The following ZNF680 variants were observed in gnomAD, a reference collection of about 807,000 sequenced individuals.
The protein encoded by ZNF680 is zinc finger protein 680.
ZNF680 carries 6 observed loss-of-function variants against 12.1 expected under a neutral mutation model. The ratio of observed to expected loss-of-function variants is 0.49; its 90% CI spans 0.27 to 0.98. The LOEUF (loss-of-function observed/expected upper bound fraction) is 0.98. Ranked by LOEUF, ZNF680 falls within the 50% of genes least tolerant of loss-of-function variation. ZNF680 has a pLI of 0.12. For missense variants in ZNF680, 561 were observed against 616.3 expected (o/e 0.91, Z 0.95); for synonymous variants, 170 against 199.3 (o/e 0.85, Z 1.24).
chr7:64,534,683 G>A (rs962729465), intron 3 of ZNF680, among the ~76,000 whole-genome samples: 2 of 152,134 alleles, frequency 1.3e-5, no homozygotes, highest in African/African-American at 2.4e-5. Flanking sequence ...AGGAAAAGAA[G>A]TTACTATCTG....
rs780531809 is a variant in ZNF680 at position 64,522,246 on chromosome 7, T to C, written c.508A>G (p.Asn170Asp). ...VKVFHKFSNSNSHKKRNTGKK... is the reference protein window; with the variant it reads ...VKVFHKFSNSDSHKKRNTGKK... ...CCAGTATTTCTTTTCTTATGACTGT[T>C]TGAATTTGAAAATTTATGAAAGACT... Residue 170 changes from asparagine (N) to aspartate (D), a missense_variant, in exon 4 of 4, where the codon AAC becomes GAC. Coordinates refer to ENST00000309683, the MANE Select transcript of ZNF680 (RefSeq NM_178558.5). 2 of 1,612,830 alleles carry C rather than the reference T, an allele frequency of 1.2e-6. No individual in the cohort carries two copies. Among genetic ancestry groups the C allele is most frequent in the Non-Finnish European group, 1.7e-6 (2 of 1,179,302 alleles).
chr7:64,524,605 C>T (rs1370071161), intron 3 of ZNF680: 4 of 152,220 alleles, frequency 2.6e-5, no homozygotes, highest in African/African-American at 9.6e-5. Flanking sequence ...TAATGCTTCA[C>T]TTTCTGTAAT....
At chr7:64,499,153 C>G in the ZNF680 span, among the ~76,000 whole-genome samples, 1 of 151,950 alleles carries the variant, frequency 6.6e-6, no homozygotes, top group Admixed American at 6.6e-5. Flanking sequence ...ACCCACTAAA[C>G]TATAATAAAG....
At chr7:64,524,570 G>A (rs1791730000) in intron 3 of ZNF680, 1 of 152,046 alleles carries the variant, frequency 6.6e-6, no homozygotes, top group South Asian at 2.1e-4. Flanking sequence ...CACATACAGA[G>A]CAATATAATT....
chr7:64,544,439 AACACACACACACACACAC>A lies in ZNF680; in HGVS notation c.31-25_31-8del. On this transcript the variant is annotated splice_region_variant and splice_polypyrimidine_tract_variant and intron_variant, in intron 1 of 3. Transcript: ENST00000309683. The stretch of plus-strand genomic sequence containing the variant: ...CCCTAAATGTCAGTGGTCCCTGAAA[AACACACACACACACACAC>A]ACACACACACACACTTATATATTTA... The A allele has an allele frequency of 6.5e-7, 1 of 1,534,806 alleles. No individual in the cohort carries two copies. The highest frequency in any genetic ancestry group is 1.9e-5 in the Admixed American group (1 of 52,572).
chr7:64,560,201 C>G (rs1272348423), intron 1 of ZNF680, among the ~76,000 whole-genome samples: 1 of 151,530 alleles, frequency 6.6e-6, no homozygotes, highest in Non-Finnish European at 1.5e-5. Flanking sequence ...GCAACCTCCA[C>G]CCCCCGGGTT....
At chr7:64,534,871 T>C (rs949991442) in intron 3 of ZNF680, among the ~76,000 whole-genome samples, 1 of 152,062 alleles carries the variant, frequency 6.6e-6, no homozygotes, top group Non-Finnish European at 1.5e-5. Flanking sequence ...CTGGATGAGA[T>C]TGGAGACTAT....
At chr7:64,516,661 CTA>C (rs1791362319), downstream of ZNF680, among the ~76,000 whole-genome samples, 1 of 152,114 alleles carries the variant, frequency 6.6e-6, no homozygotes, top group Non-Finnish European at 1.5e-5. Context: ...AAACCACAAA[CTA>C]TGCATTTTAT....
the ZNF680 span, among the ~76,000 whole-genome samples, chr7:64,507,558 G>T: frequency 1.5e-3 from 228 of 151,450 alleles, no homozygotes; most frequent in Middle Eastern, 6.8e-3. Flanking sequence ...TGTCACCCAG[G>T]CTGGAGTGCA....
intron 3 of ZNF680, among the ~76,000 whole-genome samples, chr7:64,534,923 G>C (rs1786077687): frequency 6.9e-6 from 1 of 144,758 alleles, no homozygotes; most frequent in Non-Finnish European, 1.5e-5. Context: ...ACCAAACATT[G>C]TATGTTCTCA....
intron 3 of ZNF680, among the ~76,000 whole-genome samples, chr7:64,533,616 C>T (rs961164130): frequency 1.3e-5 from 2 of 152,026 alleles, no homozygotes; most frequent in Admixed American, 6.6e-5. Flanking sequence ...AAACTCAATA[C>T]AATCCCCATC....
At chr7:64,501,727 T>C in the ZNF680 span, 6 of 980,644 alleles carry the variant, frequency 6.1e-6, no homozygotes, top group Non-Finnish European at 9.8e-6. Flanking sequence ...AAATGACTCT[T>C]AAGCACATAG....
At chr7:64,552,797 T>A (rs1787154588) in intron 1 of ZNF680, among the ~76,000 whole-genome samples, 1 of 152,156 alleles carries the variant, frequency 6.6e-6, no homozygotes, top group African/African-American at 2.4e-5. Flanking sequence ...GTCGTGGCCT[T>A]ATATTTATAT....
In ZNF680 at chr7:64,543,422, T is replaced by C. The variant is rs1229774145; in HGVS notation, c.253+285A>G. Among the ~76,000 whole-genome samples the C allele has an allele frequency of 4.6e-5, 7 of 152,144 alleles. No individual in the cohort carries two copies. The South Asian group carries it at 6.2e-4, about 14-fold the overall frequency. ...AGATATTTGTGTGTCCCTAAAACAA[T>C]GGAACATCAGTCAGATTGTGCAGTC... On this transcript the variant is annotated intron_variant, in intron 3 of 3. Coordinates refer to ENST00000309683, the MANE Select transcript of ZNF680 (RefSeq NM_178558.5).
intron 3 of ZNF680, among the ~76,000 whole-genome samples, chr7:64,533,531 G>A (rs1213794924): frequency 2.0e-5 from 3 of 151,924 alleles, no homozygotes; most frequent in Non-Finnish European, 2.9e-5. Context: ...ACAAACAAAT[G>A]GAAACACATT....
At chr7:64,523,653 C>G (rs1791665685) in intron 3 of ZNF680, among the ~76,000 whole-genome samples, 1 of 152,100 alleles carries the variant, frequency 6.6e-6, no homozygotes. Flanking sequence ...GTGGCTCACA[C>G]CTATAATCCC....
At chr7:64,532,177 C>A (rs548067088) in intron 3 of ZNF680, among the ~76,000 whole-genome samples, 2 of 151,804 alleles carry the variant, frequency 1.3e-5, no homozygotes, top group East Asian at 3.9e-4. Flanking sequence ...TGGTGGTGGG[C>A]ACCTGTCGTC....
chr7:64,517,197 C>T (rs554006250), downstream of ZNF680, among the ~76,000 whole-genome samples: 1 of 151,858 alleles, frequency 6.6e-6, no homozygotes, highest in African/African-American at 2.4e-5. Context: ...CATTGATGGA[C>T]CATTAGCAAG....
intron 1 of ZNF680, among the ~76,000 whole-genome samples, chr7:64,557,971 TA>T (rs1410126095): frequency 1.3e-5 from 2 of 152,214 alleles, no homozygotes; most frequent in Non-Finnish European, 2.9e-5. Context: ...ATTTTGCTTA[TA>T]TAACAACTCG....
Sources: gnomAD v4.1 joint callset for allele counts (sites outside exome capture counted in the v4.1 genomes callset) on GRCh38, gnomAD v4.1.1 for gene constraint, MANE v1.5 for transcripts, NCBI Gene and HGNC (gene_info 2026-07-23, HGNC 2026-07-21) for gene names.